The following ZNF236 variants were observed in gnomAD, a reference collection of about 807,000 sequenced individuals.
ZNF236 encodes regulated by glucose.
Under a neutral mutation model 191.2 loss-of-function variants are expected in ZNF236, and 50 were observed. That is an observed-to-expected ratio of 0.26 (90% confidence interval 0.21 to 0.33). ZNF236 has a LOEUF of 0.33. Among genes scored for constraint, ZNF236 ranks in the 10% least tolerant of loss-of-function variants. The probability of loss-of-function intolerance (pLI) is 1.00; values close to 1 mark genes in which losing one functional copy is unlikely to be tolerated. For synonymous variants in ZNF236, 907 were observed against 928.8 expected (o/e 0.98, Z 0.43); for missense variants, 1,754 against 2,374.5 (o/e 0.74, Z 5.43).
intron 26 of ZNF236, among the ~76,000 whole-genome samples, chr18:76,945,052 C>T (rs1195890522): frequency 9.6e-6 from 1 of 103,968 alleles, no homozygotes; most frequent in African/African-American, 7.2e-5. Flanking sequence ...ATCTCAAGGA[C>T]CCCTCATGTT....
chr18:76,958,493 ACT>A (rs142171975), intron 28 of ZNF236, among the ~76,000 whole-genome samples: 51 of 152,180 alleles, frequency 3.4e-4, no homozygotes, highest in Non-Finnish European at 6.2e-4. Flanking sequence ...TCCCCCGTGG[ACT>A]CTCTGTCCTC....
rs1400614553 is a variant in ZNF236, at chr18:76,920,181, T to C, written c.3557+123T>C. On this transcript the variant is annotated intron_variant, in intron 20 of 30. Coordinates refer to ENST00000320610, the MANE Select transcript of ZNF236 (RefSeq NM_001306089.2). ...TCTGAACCTGGTGTCACCTGAGTGA[T>C]GGCAGCTTACTTACTTGAATGTATG... The C allele has an allele frequency of 2.6e-6, 3 of 1,136,580 alleles. No homozygotes were observed. In the African/African-American group the frequency reaches 4.7e-5, roughly 18 times the overall value. The allele number at this position is 1,136,580 out of a possible 1,614,324, so 70.4% of individuals were successfully genotyped here. A position where few individuals can be genotyped will look rare whatever the true frequency, so the allele number is the denominator to read the frequency against.
At chr18:76,873,456 G>C (rs1354856709) in intron 5 of ZNF236, among the ~76,000 whole-genome samples, 2 of 152,216 alleles carry the variant, frequency 1.3e-5, no homozygotes, top group African/African-American at 4.8e-5. Flanking sequence ...TGCCTGGAGA[G>C]AGCAGCAGGT....
Position 76,895,244 on chromosome 18 carries a change from C to G in ZNF236, c.1649C>G (p.Ser550Cys). ...FKCQYCMKSF[S>C]TSGSLKVHIR... is the part of the protein sequence containing the mutation. ...TGCCAGTACTGCATGAAGAGCTTCT[C>G]CACCTCTGGCAGCCTCAAGGTGCAC... The change falls in exon 10 of 31, where the codon TCC becomes TGC. Residue 550 changes from serine to cysteine, a missense_variant. Physicochemically the swap from Ser to Cys is moderately radical, Grantham distance 112 (BLOSUM62 -1). Transcript: ENST00000320610. 1.9e-6 allele frequency: 3 copies of G among 1,599,952 alleles called. No homozygotes were observed. The highest frequency in any genetic ancestry group is 2.5e-6 in the Non-Finnish European group (3 of 1,179,924).
Position 76,913,897 on chromosome 18 carries a change from A to G in ZNF236, c.3060A>G (p.Thr1020=). 1.2e-6 allele frequency: 2 copies of G among 1,614,192 alleles called. No homozygotes were observed. Among genetic ancestry groups the G allele is most frequent in the East Asian group, 2.2e-5 (1 of 44,892 alleles). ...GVLKSHEKTH[T]GVKAFSCSVC... ...TCAAGTCCCACGAGAAGACACACACAGGTCACTGTCTGCCTTATACTTGGA... is the reference window on the plus strand; with the variant it reads ...TCAAGTCCCACGAGAAGACACACACGGGTCACTGTCTGCCTTATACTTGGA... Residue 1020 remains threonine (T), a splice_region_variant and synonymous_variant, in exon 18 of 31, where the codon ACA becomes ACG. Coordinates refer to ENST00000320610, the MANE Select transcript of ZNF236 (RefSeq NM_001306089.2).
At chr18:76,832,111 G>T (rs575628708) in intron 1 of ZNF236, among the ~76,000 whole-genome samples, 2 of 151,900 alleles carry the variant, frequency 1.3e-5, no homozygotes, top group Non-Finnish European at 2.9e-5. Flanking sequence ...ACAGGGTCTC[G>T]CTCTGTCACC....
intron 1 of ZNF236, among the ~76,000 whole-genome samples, chr18:76,848,459 T>C (rs1016259463): frequency 2.0e-5 from 3 of 152,266 alleles, no homozygotes; most frequent in Non-Finnish European, 4.4e-5. Flanking sequence ...ATTTAGGGCA[T>C]CTTTATTTTA....
In ZNF236 at chr18:76,878,085, T is replaced by C. The variant is rs1209399258; in HGVS notation, c.917T>C (p.Ile306Thr). 2 of 1,613,540 alleles carry C rather than the reference T, an allele frequency of 1.2e-6. No homozygotes were observed. Among genetic ancestry groups the C allele is most frequent in the Non-Finnish European group, 1.7e-6 (2 of 1,179,630 alleles). Residue 306 changes from isoleucine (I) to threonine (T), a missense_variant, in exon 7 of 31, where the codon ATC becomes ACC. This residue lies in a region of ZNF236 where 336 missense variants were observed against 495.1 expected (regional missense o/e 0.68). Transcript: ENST00000320610. ...AGTTTAGGCAGCTTAAACACGCATATCAGCAAGATGCATATGGGTGGGCCA... is the reference window on the plus strand; with the variant it reads ...AGTTTAGGCAGCTTAAACACGCATACCAGCAAGATGCATATGGGTGGGCCA... ...FKSLGSLNTH[I>T]SKMHMGGPQN...
intron 5 of ZNF236, 42 bp downstream of exon 5, chr18:76,871,867 G>A (rs1462439050): frequency 6.2e-7 from 1 of 1,609,860 alleles, no homozygotes; most frequent in Non-Finnish European, 8.5e-7. Context: ...CGTGTGGCTG[G>A]AAGGGAAGAA....
At chr18:76,846,276 C>A (rs958816239) in intron 1 of ZNF236, among the ~76,000 whole-genome samples, 1 of 152,178 alleles carries the variant, frequency 6.6e-6, no homozygotes, top group Non-Finnish European at 1.5e-5. Context: ...TGATAGACCT[C>A]GTTCTGAACA....
chr18:76,836,378 G>A (rs1344394655), intron 1 of ZNF236, among the ~76,000 whole-genome samples: 4 of 151,822 alleles, frequency 2.6e-5, no homozygotes, highest in African/African-American at 9.7e-5. Flanking sequence ...CCACCACCAT[G>A]CCTGGCTAAA....
intron 28 of ZNF236, among the ~76,000 whole-genome samples, chr18:76,956,395 C>A (rs1968526665): frequency 6.6e-6 from 1 of 152,226 alleles, no homozygotes; most frequent in Non-Finnish European, 1.5e-5. Flanking sequence ...AACTCACAAT[C>A]AATTTGCAAG....
At chr18:76,901,927 G>T (rs570343455) in intron 11 of ZNF236, among the ~76,000 whole-genome samples, 12 of 152,314 alleles carry the variant, frequency 7.9e-5, no homozygotes, top group Middle Eastern at 3.4e-3. Flanking sequence ...ACAAAATGAA[G>T]CAACAGACCG....
At chr18:76,950,152 A>T (rs1024596012) in intron 27 of ZNF236, among the ~76,000 whole-genome samples, 2 of 152,166 alleles carry the variant, frequency 1.3e-5, no homozygotes, top group Admixed American at 6.5e-5. Flanking sequence ...ATTTCTTAAA[A>T]TAAGACAACA....
At chr18:76,873,807 C>T (rs1323969599) in intron 5 of ZNF236, among the ~76,000 whole-genome samples, 2 of 151,114 alleles carry the variant, frequency 1.3e-5, no homozygotes, top group Non-Finnish European at 3.0e-5. Flanking sequence ...CCCTCCTCTC[C>T]TGTCTGCCCT....
chr18:76,947,586 G>T lies in ZNF236; in HGVS notation c.4848G>T (p.Pro1616=). 1.2e-6 allele frequency: 2 copies of T among 1,613,970 alleles called. No individual in the cohort carries two copies. The highest frequency in any genetic ancestry group is 1.7e-6 in the Non-Finnish European group (2 of 1,179,964). The change falls in exon 27 of 31, where the codon CCG becomes CCT. Residue 1616 remains proline, a synonymous_variant. Transcript: ENST00000320610. ...CGGGCCAGGGTGGAGCAGGCTCGCC[G>T]CAAGTCATACTAGTGAGCCACACGC... is the stretch of plus-strand genomic sequence containing the variant. The part of the protein sequence containing the change: ...SLSGQGGAGS[P]QVILVSHTPQ...
At chr18:76,859,014 G>A (rs577365893) in intron 3 of ZNF236, among the ~76,000 whole-genome samples, 1 of 29,868 alleles carries the variant, frequency 3.3e-5, no homozygotes, top group African/African-American at 1.6e-4. Context: ...GAGAAAGGGG[G>A]AGAGGGCTCA....
intron 11 of ZNF236, among the ~76,000 whole-genome samples, chr18:76,900,751 TTAAC>T (rs1977566147): frequency 6.6e-6 from 1 of 152,068 alleles, no homozygotes; most frequent in Admixed American, 6.6e-5. Context: ...AGTAAAATAT[TTAAC>T]TAAAAAAACT....
At chr18:76,872,061 A>C (rs916475508) in intron 5 of ZNF236, among the ~76,000 whole-genome samples, 4 of 152,230 alleles carry the variant, frequency 2.6e-5, no homozygotes, top group African/African-American at 9.6e-5. Flanking sequence ...GTGCTCATTG[A>C]AAAGTGCTTG....
Sources: allele counts gnomAD v4.1 joint callset (sites outside exome capture counted in the v4.1 genomes callset), GRCh38; gene constraint gnomAD v4.1.1; regional missense constraint gnomAD v4.1.1; transcripts MANE v1.5; gene names NCBI Gene and HGNC (gene_info 2026-07-23, HGNC 2026-07-21).